The following TIAM1 variants were observed in gnomAD, a reference collection of about 807,000 sequenced individuals.
TIAM1 encodes the protein rho guanine nucleotide exchange factor TIAM1.
In TIAM1, 65 loss-of-function variants were observed where a neutral mutation model predicts 163.5. The ratio of observed to expected loss-of-function variants is 0.40; its 90% CI spans 0.33 to 0.49. TIAM1 has a LOEUF of 0.49. Ranked by LOEUF, TIAM1 falls within the 20% of genes least tolerant of loss-of-function variation. The pLI, the probability that TIAM1 is intolerant of heterozygous loss-of-function variation, is 0.77. For synonymous variants in TIAM1, 833 were observed against 810.1 expected (o/e 1.03, Z -0.48); for missense variants, 1,789 against 2,044.7 (o/e 0.87, Z 2.41).
chr21:31,373,688 G>T (rs2076637792), intron 2 of TIAM1, among the ~76,000 whole-genome samples: 1 of 152,032 alleles, frequency 6.6e-6, no homozygotes, highest in Non-Finnish European at 1.5e-5. Flanking sequence ...TTTCAGGGGA[G>T]TACTAGAGAT....
intron 2 of TIAM1, among the ~76,000 whole-genome samples, chr21:31,406,770 T>C (rs2077254566): frequency 6.6e-6 from 1 of 152,150 alleles, no homozygotes; most frequent in South Asian, 2.1e-4. Context: ...GAAATGTCAG[T>C]GGTATGTGTC....
chr21:31,324,384 G>A (rs1418311846), intron 2 of TIAM1, among the ~76,000 whole-genome samples: 2 of 152,140 alleles, frequency 1.3e-5, no homozygotes, highest in Admixed American at 1.3e-4. Context: ...GCCTGCTTAT[G>A]GGCAGAGGGA....
intron 15 of TIAM1, among the ~76,000 whole-genome samples, chr21:31,174,248 CAG>C (rs2084659100): frequency 6.6e-6 from 1 of 152,238 alleles, no homozygotes; most frequent in South Asian, 2.1e-4. Context: ...GGGTACTGCA[CAG>C]AGGCACGTCC....
intron 13 of TIAM1, among the ~76,000 whole-genome samples, chr21:31,191,726 G>C (rs2085571353): frequency 6.6e-6 from 1 of 152,190 alleles, no homozygotes; most frequent in African/African-American, 2.4e-5. Flanking sequence ...CTGGTGCCCT[G>C]TCATACCCTC....
chr21:31,535,951 CGCCAACA>C (rs2123249187), intron 1 of TIAM1, among the ~76,000 whole-genome samples: 1 of 152,264 alleles, frequency 6.6e-6, no homozygotes, highest in South Asian at 2.1e-4. Flanking sequence ...ATTAGAGGCA[CGCCAACA>C]GATGAATGGA....
At chr21:31,258,335 T>C (rs368543015) in intron 4 of TIAM1, among the ~76,000 whole-genome samples, 2 of 152,216 alleles carry the variant, frequency 1.3e-5, no homozygotes, top group African/African-American at 4.8e-5. Context: ...TCTCATGGAA[T>C]GCACTGCAGC....
At chr21:31,278,515 G>A (rs1450412077) in intron 2 of TIAM1, among the ~76,000 whole-genome samples, 1 of 152,204 alleles carries the variant, frequency 6.6e-6, no homozygotes, top group African/African-American at 2.4e-5. Context: ...GCCCGCTGCT[G>A]GTGGTTTCAG....
chr21:31,270,859 A>G (rs2073025791), intron 3 of TIAM1, among the ~76,000 whole-genome samples: 1 of 152,180 alleles, frequency 6.6e-6, no homozygotes, highest in Admixed American at 6.5e-5. Context: ...TGGCTTCCTT[A>G]GCCTGCCTCA....
At chr21:31,473,076 G>A (rs1163304447) in intron 1 of TIAM1, among the ~76,000 whole-genome samples, 1 of 152,144 alleles carries the variant, frequency 6.6e-6, no homozygotes. Flanking sequence ...ATGCTGTGGA[G>A]TTTCAGGCAT....
At chr21:31,236,579 A>G (rs1157710812) in intron 6 of TIAM1, among the ~76,000 whole-genome samples, 1 of 152,170 alleles carries the variant, frequency 6.6e-6, no homozygotes, top group Non-Finnish European at 1.5e-5. Flanking sequence ...GATAAAAGCC[A>G]CAAGGATAAC....
At chr21:31,439,443 C>A (rs917101223) in intron 2 of TIAM1, among the ~76,000 whole-genome samples, 1 of 152,150 alleles carries the variant, frequency 6.6e-6, no homozygotes, top group African/African-American at 2.4e-5. Flanking sequence ...GCATGCACCA[C>A]CATGTCCAGC....
chr21:31,538,718 T>C (rs569745063), intron 1 of TIAM1, among the ~76,000 whole-genome samples: 2 of 152,358 alleles, frequency 1.3e-5, no homozygotes, highest in East Asian at 1.9e-4. Context: ...TCATTAATGC[T>C]GCCTTGGTTT....
chr21:31,481,019 T>C (rs1357684173), intron 1 of TIAM1, among the ~76,000 whole-genome samples: 1 of 152,192 alleles, frequency 6.6e-6, no homozygotes. Flanking sequence ...GCTCCCAAAG[T>C]GCTGGGATTA....
chr21:31,234,156 A>T (rs551854123), intron 6 of TIAM1, among the ~76,000 whole-genome samples: 1 of 152,286 alleles, frequency 6.6e-6, no homozygotes, highest in Non-Finnish European at 1.5e-5. Context: ...CACACAGGAG[A>T]AAATGTACTA....
intron 2 of TIAM1, among the ~76,000 whole-genome samples, chr21:31,293,774 G>C (rs2074121747): frequency 6.6e-6 from 1 of 152,140 alleles, no homozygotes; most frequent in South Asian, 2.1e-4. Flanking sequence ...AACCATCCAA[G>C]CTTTTGTCTC....
intron 2 of TIAM1, among the ~76,000 whole-genome samples, chr21:31,375,860 C>G (rs956109737): frequency 2.6e-5 from 4 of 151,908 alleles, no homozygotes; most frequent in African/African-American, 9.7e-5. Flanking sequence ...AACACCATCT[C>G]TACTAAAAAT....
chr21:31,190,490 C>T (rs2085505209), intron 13 of TIAM1, among the ~76,000 whole-genome samples: 1 of 152,024 alleles, frequency 6.6e-6, no homozygotes, highest in Non-Finnish European at 1.5e-5. Flanking sequence ...ACATGATAAA[C>T]AATAGAGAAT....
chr21:31,226,937 T>C (rs1198361924), intron 6 of TIAM1, among the ~76,000 whole-genome samples: 3 of 151,322 alleles, frequency 2.0e-5, no homozygotes, highest in Admixed American at 1.3e-4. Flanking sequence ...TGATGGCTTG[T>C]ATACAAAATT....
chr21:31,305,112 T>C (rs1469798081), intron 2 of TIAM1, among the ~76,000 whole-genome samples: 4 of 152,194 alleles, frequency 2.6e-5, no homozygotes, highest in Non-Finnish European at 5.9e-5. Flanking sequence ...AAATAAATGG[T>C]AAAAATTTAA....
Sources: gnomAD v4.1 joint callset for allele counts (sites outside exome capture counted in the v4.1 genomes callset) on GRCh38, gnomAD v4.1.1 for gene constraint, MANE v1.5 for transcripts, NCBI Gene and HGNC (gene_info 2026-07-23, HGNC 2026-07-21) for gene names.